Variants in TENM4 observed in about 807,000 individuals in gnomAD.
TENM4 encodes the protein teneurin-4.
In TENM4, 82 loss-of-function variants were observed where a neutral mutation model predicts 243.3. The ratio of observed to expected loss-of-function variants is 0.34; its 90% CI spans 0.28 to 0.40. The LOEUF (loss-of-function observed/expected upper bound fraction) is 0.40, where lower values mean the gene tolerates loss of function less well. Among genes scored for constraint, TENM4 ranks in the 10% least tolerant of loss-of-function variants. TENM4 has a pLI of 1.00. For synonymous variants in TENM4, 1,412 were observed against 1,456.3 expected (o/e 0.97, Z 0.69); for missense variants, 3,138 against 3,673.3 (o/e 0.85, Z 3.77).
intron 1 of TENM4, among the ~76,000 whole-genome samples, chr11:79,435,013 TA>T (rs1226483953): frequency 6.6e-6 from 1 of 152,146 alleles, no homozygotes; most frequent in East Asian, 1.9e-4. Flanking sequence ...AATGTCACCG[TA>T]GGAGGAAAAG....
In TENM4 at chr11:78,700,897, A is replaced by G. The variant is rs1859085892; in HGVS notation, c.5087+629T>C. ...TATATCCTCATTTCCCTACTTCCTG[A>G]AAGCTCTCTTCATATTACAGCGTAA... On this transcript the variant is annotated intron_variant, in intron 28 of 33. Coordinates refer to ENST00000278550, the MANE Select transcript of TENM4 (RefSeq NM_001098816.3). Among the ~76,000 whole-genome samples the G allele has an allele frequency of 2.6e-5, 4 of 152,276 alleles. No homozygotes were observed. The South Asian group carries it at 8.3e-4, about 32-fold the overall frequency.
At chr11:78,667,256 C>T (rs543306729) in intron 32 of TENM4, among the ~76,000 whole-genome samples, 1 of 152,116 alleles carries the variant, frequency 6.6e-6, no homozygotes, top group Non-Finnish European at 1.5e-5. Flanking sequence ...ATGCTATTCT[C>T]CCCTCTTTCC....
At chr11:79,359,256 G>A (rs61882491) in intron 1 of TENM4, among the ~76,000 whole-genome samples, 39,333 of 151,908 alleles carry the variant, frequency 0.26, 5,440 homozygotes, top group Middle Eastern at 0.38. Context: ...ATAGACTAAG[G>A]CACTAAAAAA....
At position 78,726,185 on chromosome 11, in the gene TENM4, T is replaced by A. The variant is rs1855506845; in HGVS notation, c.3444A>T (p.Leu1148=). The change falls in exon 23 of 34, where the codon CTA becomes CTT. Residue 1148 remains leucine, a synonymous_variant. Coordinates refer to ENST00000278550, the MANE Select transcript of TENM4 (RefSeq NM_001098816.3). The stretch of plus-strand genomic sequence containing the variant: ...CTGTTGTTCTTTTTTCCCACAGGAT[T>A]AGATCTGGGCAGGATTCATATTCAT... ...VGYEYESCPD[L]ILWEKRTTVL... 1 of 1,613,916 alleles carries A rather than the reference T, an allele frequency of 6.2e-7. No individual in the cohort carries two copies. Among genetic ancestry groups the A allele is most frequent in the African/African-American group, 1.3e-5 (1 of 74,932 alleles).
chr11:79,184,105 C>T (rs958432024), intron 3 of TENM4, among the ~76,000 whole-genome samples: 6 of 152,152 alleles, frequency 3.9e-5, no homozygotes, highest in Admixed American at 2.0e-4. Context: ...AATCAATCCT[C>T]GAGTCCATGG....
At chr11:78,736,477 T>C (rs150008692) in intron 20 of TENM4, among the ~76,000 whole-genome samples, 2,786 of 102,050 alleles carry the variant, frequency 0.027, 77 homozygotes, top group African/African-American at 0.084. Context: ...TGTGTGTGTG[T>C]GTGCGCGCGC....
chr11:79,124,397 G>A (rs1488624678), intron 4 of TENM4, among the ~76,000 whole-genome samples: 1 of 152,110 alleles, frequency 6.6e-6, no homozygotes, highest in Non-Finnish European at 1.5e-5. Context: ...GCAGAAAAAT[G>A]TGAAAGGAGG....
At chr11:78,706,454 A>T (rs953093088) in intron 27 of TENM4, among the ~76,000 whole-genome samples, 1 of 152,040 alleles carries the variant, frequency 6.6e-6, no homozygotes, top group Non-Finnish European at 1.5e-5. Flanking sequence ...CCTGCTCCCC[A>T]TGGGGCAGCG....
At position 78,688,167 on chromosome 11, in the gene TENM4, A is replaced by G; in HGVS notation, c.5147T>C (p.Phe1716Ser). ...VTFPTGQVSSFRSDTDSSVHV... is the reference protein window; with the variant it reads ...VTFPTGQVSSSRSDTDSSVHV... ...CACTGAACTGTCTGTATCACTTCGG[A>G]AACTGCTCACCTGGCCAGTAGGGAA... Residue 1716 changes from phenylalanine (F) to serine (S), a missense_variant, in exon 29 of 34, where the codon TTC (phenylalanine) becomes TCC (serine). By Grantham distance (155) the Phe-to-Ser change is radical. This residue lies in a region of TENM4 where 2,467 missense variants were observed against 3,059.1 expected (regional missense o/e 0.81). Coordinates refer to ENST00000278550, the MANE Select transcript of TENM4 (RefSeq NM_001098816.3). 6.2e-7 allele frequency: 1 copy of G among 1,613,878 alleles called. No individual in the cohort carries two copies.
At chr11:78,807,994 G>A (rs1038079484) in intron 14 of TENM4, among the ~76,000 whole-genome samples, 5 of 152,204 alleles carry the variant, frequency 3.3e-5, no homozygotes, top group African/African-American at 1.2e-4. Flanking sequence ...TTGCAAAGAG[G>A]TTATCTTCCT....
intron 27 of TENM4, among the ~76,000 whole-genome samples, chr11:78,705,562 C>T (rs561096644): frequency 2.0e-5 from 3 of 152,336 alleles, no homozygotes; most frequent in East Asian, 1.9e-4. Context: ...AGAGGTCTTG[C>T]AGCTCCCACG....
At chr11:78,942,882 G>A (rs1591149924) in intron 6 of TENM4, among the ~76,000 whole-genome samples, 1 of 151,198 alleles carries the variant, frequency 6.6e-6, no homozygotes, top group Non-Finnish European at 1.5e-5. Flanking sequence ...ACAAATTGGA[G>A]AAATGGTGAT....
intron 6 of TENM4, among the ~76,000 whole-genome samples, chr11:79,008,691 T>G (rs146417426): frequency 6.6e-6 from 1 of 152,192 alleles, no homozygotes; most frequent in Non-Finnish European, 1.5e-5. Context: ...TTTTTTTTTG[T>G]GATTATAAAT....
chr11:79,036,499 C>T (rs577292470), intron 6 of TENM4, among the ~76,000 whole-genome samples: 1 of 152,320 alleles, frequency 6.6e-6, no homozygotes, highest in East Asian at 1.9e-4. Flanking sequence ...GACATCATGA[C>T]CAGTGTACCA....
intron 1 of TENM4, among the ~76,000 whole-genome samples, chr11:79,316,305 G>A (rs1856801386): frequency 6.6e-6 from 1 of 152,170 alleles, no homozygotes; most frequent in African/African-American, 2.4e-5. Flanking sequence ...AGAGAACAAT[G>A]GGGAAGGAAA....
At chr11:79,439,652 C>CGT (rs1182522468) in intron 1 of TENM4, among the ~76,000 whole-genome samples, 3 of 118,170 alleles carry the variant, frequency 2.5e-5, no homozygotes, top group African/African-American at 9.3e-5. Flanking sequence ...TCCTCGGTTG[C>CGT]GTGTGTGTGT....
Position 79,026,678 on chromosome 11 carries a change from G to T in TENM4, c.493+38060C>A, listed in dbSNP as rs936678262. Reference sequence around the variant, plus strand: ...GCTACTTCTCACAGCAACCAAGAAAGGGTATTATTAGTCCAGCTTCGCAGA... The same window carrying T: ...GCTACTTCTCACAGCAACCAAGAAATGGTATTATTAGTCCAGCTTCGCAGA... On this transcript the variant is annotated intron_variant, in intron 6 of 33. Coordinates refer to ENST00000278550, the MANE Select transcript of TENM4 (RefSeq NM_001098816.3). Among the ~76,000 whole-genome samples, 34 of 152,148 alleles carry T rather than the reference G, an allele frequency of 2.2e-4. 1 individual carries two copies. The highest frequency in any genetic ancestry group is 8.2e-4 in the African/African-American group (34 of 41,440).
At chr11:79,226,324 G>A (rs543826882) in intron 2 of TENM4, among the ~76,000 whole-genome samples, 4 of 152,134 alleles carry the variant, frequency 2.6e-5, no homozygotes, top group Non-Finnish European at 5.9e-5. Flanking sequence ...ATTCACCTCT[G>A]TCCAGAGCTG....
chr11:78,850,183 G>C (rs956976750), intron 12 of TENM4, among the ~76,000 whole-genome samples: 1 of 152,084 alleles, frequency 6.6e-6, no homozygotes, highest in Middle Eastern at 3.2e-3. Context: ...ATTTTTTAAA[G>C]GCAAAAGTTA....
Sources: gnomAD v4.1 joint callset for allele counts (sites outside exome capture counted in the v4.1 genomes callset) on GRCh38, gnomAD v4.1.1 for gene constraint, gnomAD v4.1.1 regional missense constraint, MANE v1.5 for transcripts, NCBI Gene and HGNC (gene_info 2026-07-23, HGNC 2026-07-21) for gene names.